ZNRF3: variants seen among roughly 807,000 people sequenced by gnomAD.
The protein encoded by ZNRF3 is E3 ubiquitin-protein ligase ZNRF3.
A neutral mutation model predicts 72.5 loss-of-function variants in ZNRF3; 23 were observed. The ratio of observed to expected loss-of-function variants is 0.32; its 90% CI spans 0.23 to 0.45. The LOEUF (loss-of-function observed/expected upper bound fraction) is 0.45. ZNRF3 is among the 20% of genes least tolerant of loss of function. The pLI, the probability that ZNRF3 is intolerant of heterozygous loss-of-function variation, is 1.00. For synonymous variants in ZNRF3, 610 were observed against 545.3 expected (o/e 1.12, Z -1.65); for missense variants, 1,169 against 1,272.1 (o/e 0.92, Z 1.23).
chr22:29,017,766 G>A (rs1200896178), intron 2 of ZNRF3, among the ~76,000 whole-genome samples: 1 of 152,110 alleles, frequency 6.6e-6, no homozygotes, highest in East Asian at 1.9e-4. Context: ...AATGGGACAT[G>A]GAAACAGAAA....
intron 1 of ZNRF3, among the ~76,000 whole-genome samples, chr22:28,922,039 A>G (rs1373130843): frequency 6.6e-6 from 1 of 152,206 alleles, no homozygotes; most frequent in Non-Finnish European, 1.5e-5. Context: ...TTTGTTTCAT[A>G]TACACCTTAT....
chr22:28,982,611 T>C (rs966779911), intron 1 of ZNRF3, among the ~76,000 whole-genome samples: 1 of 150,680 alleles, frequency 6.6e-6, no homozygotes, highest in Non-Finnish European at 1.5e-5. Context: ...GTCCAGTTAA[T>C]AGGAAAGGCC....
At position 28,978,568 on chromosome 22, in the gene ZNRF3, C is replaced by A. The variant is rs117762697; in HGVS notation, c.301-8508C>A. ...CAGTGAGAAGGACCCATAGAATCTG[C>A]TGGAACACTTGGAGAAAGGGACTTA... On this transcript the variant is annotated intron_variant, in intron 1 of 8. Transcript: ENST00000544604. Among the ~76,000 whole-genome samples the A allele has an allele frequency of 2.9e-4, 44 of 152,304 alleles. No homozygotes were observed. In the East Asian group the frequency reaches 7.9e-3, roughly 27 times the overall value.
At chr22:29,052,550 G>A (rs745715387) in intron 8 of ZNRF3, among the ~76,000 whole-genome samples, 3 of 152,068 alleles carry the variant, frequency 2.0e-5, no homozygotes, top group South Asian at 2.1e-4. Context: ...AAAATTAGCC[G>A]GGCGTGGTGG....
rs1569298365 is a variant in ZNRF3, at chr22:29,050,643, G to C, written c.2462G>C (p.Gly821Ala). Residue 821 changes from glycine (G) to alanine (A), a missense_variant, in exon 8 of 9, where the codon GGG (glycine) becomes GCG (alanine). Physicochemically the swap from Gly to Ala is moderately conservative, Grantham distance 60. This residue lies in a region of ZNRF3 where 783 missense variants were observed against 731.4 expected (regional missense o/e 1.07). Coordinates refer to ENST00000544604, the MANE Select transcript of ZNRF3 (RefSeq NM_001206998.2). ...GAACCACCGCCCGGCTGCTACCCCG[G>C]GGCCCGGGACCTGAGCCAGCGCATC... Reference protein sequence around the residue: ...TEEPPPGCYPGARDLSQRIPI... With the variant: ...TEEPPPGCYPAARDLSQRIPI... 1.2e-6 allele frequency: 2 copies of C among 1,611,900 alleles called. No individual in the cohort carries two copies. Among genetic ancestry groups the C allele is most frequent in the Non-Finnish European group, 1.7e-6 (2 of 1,179,442 alleles).
rs192022722 is a variant in ZNRF3 at position 28,902,229 on chromosome 22, G to A, written c.300+18163G>A. Among the ~76,000 whole-genome samples, 89 of 152,238 alleles carry A rather than the reference G, an allele frequency of 5.8e-4. 1 individual carries two copies. The highest frequency in any genetic ancestry group is 4.1e-4 in the South Asian group (2 of 4,826). On this transcript the variant is annotated intron_variant, in intron 1 of 8. Transcript: ENST00000544604. ...TGGGATTACAGGTGTGAGCCACCGC[G>A]CTTGGCAAGTTAACTTTCATTCACC...
chr22:28,997,561 C>T (rs1241819447), intron 2 of ZNRF3, among the ~76,000 whole-genome samples: 1 of 152,118 alleles, frequency 6.6e-6, no homozygotes, highest in Admixed American at 6.5e-5. Context: ...ATTCCTCTCT[C>T]CATCTGAGGA....
chr22:28,986,916 G>A (rs140392292), intron 1 of ZNRF3, 160 bp from the exon 2 acceptor site: 15 of 933,178 alleles, frequency 1.6e-5, no homozygotes, highest in Middle Eastern at 6.8e-4. Flanking sequence ...TCAGCTCATT[G>A]TGCTGAAATA....
chr22:29,016,127 C>T (rs1012390040), intron 2 of ZNRF3, among the ~76,000 whole-genome samples: 1 of 152,026 alleles, frequency 6.6e-6, no homozygotes, highest in African/African-American at 2.4e-5. Flanking sequence ...TAAATGATGC[C>T]CCTGGTACTA....
chr22:28,933,778 T>TCTCTCCCTCCCC (rs1555970191), intron 1 of ZNRF3, among the ~76,000 whole-genome samples: 1 of 107,314 alleles, frequency 9.3e-6, no homozygotes, highest in African/African-American at 3.8e-5. Context: ...TCTCTCTCTC[T>TCTCTCCCTCCCC]CCCCTCCCTC....
chr22:29,050,324 G>C lies in ZNRF3; in HGVS notation c.2143G>C (p.Glu715Gln). ...GTTGCCGTCGTGTGCCTGCTGCTGC[G>C]AGCCCCAGCCCTCCCCAGCCGGGCC... ...HELPSCACCC[E>Q]PQPSPAGPSA... Residue 715 changes from glutamate to glutamine, a missense_variant, in exon 8 of 9, where the codon GAG becomes CAG. This residue lies in a region of ZNRF3 where 783 missense variants were observed against 731.4 expected (regional missense o/e 1.07). Coordinates refer to ENST00000544604, the MANE Select transcript of ZNRF3 (RefSeq NM_001206998.2). The C allele has an allele frequency of 1.2e-6, 2 of 1,600,482 alleles. No individual in the cohort carries two copies. The highest frequency in any genetic ancestry group is 4.5e-5 in the East Asian group (2 of 44,736).
At chr22:28,892,455 T>C (rs932817443) in intron 1 of ZNRF3, among the ~76,000 whole-genome samples, 1 of 152,196 alleles carries the variant, frequency 6.6e-6, no homozygotes, top group Non-Finnish European at 1.5e-5. Context: ...TCCAACTCAT[T>C]TTTACCTACC....
intron 1 of ZNRF3, among the ~76,000 whole-genome samples, chr22:28,896,770 T>C (rs2034006466): frequency 6.6e-6 from 1 of 152,212 alleles, no homozygotes; most frequent in Non-Finnish European, 1.5e-5. Flanking sequence ...CTTGCAAAGC[T>C]ATTTCAAAAT....
chr22:29,053,504 C>T (rs149521034), intron 8 of ZNRF3, 75 bp from the exon 9 acceptor site: 53 of 1,467,052 alleles, frequency 3.6e-5, no homozygotes, highest in Middle Eastern at 1.8e-4. Context: ...GGGGACAGGG[C>T]CACCTGAGTC....
chr22:28,971,417 A>G (rs1411289518), intron 1 of ZNRF3, among the ~76,000 whole-genome samples: 5 of 152,176 alleles, frequency 3.3e-5, no homozygotes, highest in South Asian at 2.1e-4. Context: ...TGATTCAGGT[A>G]TGGCTAAGAA....
chr22:29,044,479 T>TGG (rs2037022761), intron 4 of ZNRF3, among the ~76,000 whole-genome samples: 1 of 152,248 alleles, frequency 6.6e-6, no homozygotes, highest in Non-Finnish European at 1.5e-5. Flanking sequence ...TGGAAGGGCC[T>TGG]TTCTTACCAG....
intron 1 of ZNRF3, among the ~76,000 whole-genome samples, chr22:28,953,311 GAGTACTCGGCCAACTCTAGGTAC>G (rs2123796696): frequency 6.6e-6 from 1 of 152,316 alleles, no homozygotes; most frequent in South Asian, 2.1e-4. Context: ...TCATCTTGAG[GAGTACTCGGCCAACTCTAGGTAC>G]GGCTTTTCCT....
chr22:28,906,167 G>T (rs1258781276), intron 1 of ZNRF3, among the ~76,000 whole-genome samples: 1 of 152,166 alleles, frequency 6.6e-6, no homozygotes, highest in Non-Finnish European at 1.5e-5. Flanking sequence ...TTTACAAAAA[G>T]AATTTAAAAA....
intron 1 of ZNRF3, among the ~76,000 whole-genome samples, chr22:28,888,110 A>G (rs1466166633): frequency 6.6e-6 from 1 of 152,184 alleles, no homozygotes; most frequent in Non-Finnish European, 1.5e-5. Flanking sequence ...AACAGAGAGA[A>G]GCTGAGGACA....
Sources: allele counts gnomAD v4.1 joint callset (sites outside exome capture counted in the v4.1 genomes callset), GRCh38; gene constraint gnomAD v4.1.1; regional missense constraint gnomAD v4.1.1; transcripts MANE v1.5; gene names NCBI Gene and HGNC (gene_info 2026-07-23, HGNC 2026-07-21).